HIVEP3: variants seen among roughly 807,000 people sequenced by gnomAD.
HIVEP3 encodes the protein HIVEP zinc finger 3, also known as transcription factor HIVEP3.
Under a neutral mutation model 152.8 loss-of-function variants are expected in HIVEP3, and 49 were observed. That is an observed-to-expected ratio of 0.32 (90% CI 0.26 to 0.41). HIVEP3 has a LOEUF of 0.41. HIVEP3 is among the 10% of genes least tolerant of loss of function. The pLI is 1.00. For missense variants in HIVEP3, 2,790 were observed against 3,103.3 expected, an observed-to-expected ratio of 0.90 and a Z score of 2.40; for synonymous variants, 1,269 against 1,289.0, an observed-to-expected ratio of 0.98 and a Z score of 0.33.
At chr1:41,769,725 AAAC>A (rs1258547631) in intron 1 of HIVEP3, among the ~76,000 whole-genome samples, 5 of 152,256 alleles carry the variant, frequency 3.3e-5, no homozygotes, top group Admixed American at 3.3e-4. Flanking sequence ...GTAACAAAAT[AAAC>A]AACAATAGCA....
rs574016079 is a variant in HIVEP3 at position 41,819,241 on chromosome 1, G to A, written c.-801+99172C>T. Among the ~76,000 whole-genome samples, 73 of 151,938 alleles carry A rather than the reference G, an allele frequency of 4.8e-4. 1 individual carries two copies. Among genetic ancestry groups the A allele is most frequent in the African/African-American group, 1.3e-3 (53 of 41,394 alleles). ...GAGACTAATAAAATGAATACACTTC[G>A]CCCATCACCCAGCACTCTCCAGTGC... On this transcript the variant is annotated intron_variant, in intron 1 of 8. Coordinates refer to ENST00000372583, the MANE Select transcript of HIVEP3 (RefSeq NM_024503.5).
chr1:41,993,853 A>G (rs1220235522), intron 1 of HIVEP3, among the ~76,000 whole-genome samples: 1 of 152,008 alleles, frequency 6.6e-6, no homozygotes, highest in East Asian at 1.9e-4. Context: ...CTTTGTAGGG[A>G]CATGGATGAA....
chr1:41,533,970 C>T lies in HIVEP3; in HGVS notation c.5208-9060G>A, dbSNP rs1264911825. The stretch of plus-strand genomic sequence containing the variant: ...TCTCTCAGCAAGCAGCACCTGCACT[C>T]GTGTGGCTGGCCAGCCCACAGGCTG... On this transcript the variant is annotated intron_variant, in intron 5 of 8. Transcript: ENST00000372583. The surrounding 1 kb of genome is among the most constrained non-coding windows in gnomAD (Gnocchi z 4.3). Among the ~76,000 whole-genome samples, 5 of 152,186 alleles carry T rather than the reference C, an allele frequency of 3.3e-5. No individual in the cohort carries two copies. In the South Asian group the frequency reaches 1.0e-3, roughly 32 times the overall value.
chr1:41,530,839 A>G (rs1643223078), intron 5 of HIVEP3, among the ~76,000 whole-genome samples: 1 of 152,146 alleles, frequency 6.6e-6, no homozygotes, highest in Non-Finnish European at 1.5e-5. Flanking sequence ...GTCTTTCCAA[A>G]TGGAGAGAGA....
chr1:41,616,438 C>T (rs761656292), intron 3 of HIVEP3, among the ~76,000 whole-genome samples: 4 of 152,252 alleles, frequency 2.6e-5, no homozygotes, highest in South Asian at 2.1e-4. Context: ...CTAAGAGGGA[C>T]GCACAGAGTC....
chr1:41,950,443 G>A (rs1645100279), intron 1 of HIVEP3, among the ~76,000 whole-genome samples: 1 of 152,166 alleles, frequency 6.6e-6, no homozygotes, highest in African/African-American at 2.4e-5. Context: ...GTATAACCAG[G>A]AGTAACACAT....
intron 1 of HIVEP3, among the ~76,000 whole-genome samples, chr1:41,987,461 G>T (rs1439957994): frequency 1.3e-5 from 2 of 152,096 alleles, no homozygotes; most frequent in African/African-American, 4.8e-5. Flanking sequence ...AATGGACAAA[G>T]GAATCTTGAG....
At chr1:41,589,593 A>T (rs1644557119) in intron 3 of HIVEP3, among the ~76,000 whole-genome samples, 1 of 152,246 alleles carries the variant, frequency 6.6e-6, no homozygotes, top group Non-Finnish European at 1.5e-5. Context: ...TCCAGAGGGC[A>T]GGTGGGAGAT....
chr1:41,510,167 C>T lies in HIVEP3; in HGVS notation c.*284G>A. On this transcript the variant is annotated 3_prime_UTR_variant, in exon 9 of 9. Transcript: ENST00000372583. ...AGGGTCAGGAGGCTTCACCATCAGC[C>T]TTTCCCCAAAACCATAAACTATTCA... 2 of 296,790 alleles carry T rather than the reference C, an allele frequency of 6.7e-6. No individual in the cohort carries two copies. The highest frequency in any genetic ancestry group is 6.2e-6 in the Non-Finnish European group (1 of 162,590). The allele number at this position is 296,790 out of a possible 1,614,324, so 18.4% of individuals were successfully genotyped here. A position where few individuals can be genotyped will look rare whatever the true frequency, so the allele number is the denominator to read the frequency against.
At chr1:41,658,345 G>A (rs1645659516) in intron 2 of HIVEP3, among the ~76,000 whole-genome samples, 1 of 152,156 alleles carries the variant, frequency 6.6e-6, no homozygotes, top group East Asian at 1.9e-4. Context: ...CTGGGTTTGA[G>A]TCCTAGCTCA....
At chr1:41,985,745 G>A (rs1185327520) in intron 1 of HIVEP3, among the ~76,000 whole-genome samples, 1 of 152,180 alleles carries the variant, frequency 6.6e-6, no homozygotes, top group Admixed American at 6.5e-5. Context: ...GCTAGAAGGA[G>A]GAAATGCCCA....
chr1:41,892,786 T>C (rs978552362), intron 1 of HIVEP3, among the ~76,000 whole-genome samples: 4 of 152,032 alleles, frequency 2.6e-5, no homozygotes, highest in Non-Finnish European at 4.4e-5. Flanking sequence ...CCTTATAGTC[T>C]GAACGTGCCC....
intron 1 of HIVEP3, among the ~76,000 whole-genome samples, chr1:41,874,394 A>AGCTGG (rs1644132239): frequency 1.3e-5 from 2 of 152,210 alleles, no homozygotes; most frequent in African/African-American, 4.8e-5. Context: ...GCTGGCTAGC[A>AGCTGG]CATAAACCTG....
intron 3 of HIVEP3, among the ~76,000 whole-genome samples, chr1:41,612,287 T>G (rs11210498): frequency 0.43 from 65,553 of 152,036 alleles, 14,739 homozygotes; most frequent in Non-Finnish European, 0.51. Context: ...CTGGCCGGTG[T>G]TTACACCCCT....
intron 2 of HIVEP3, among the ~76,000 whole-genome samples, chr1:41,683,290 A>G (rs933997397): frequency 6.6e-6 from 1 of 152,176 alleles, no homozygotes; most frequent in Non-Finnish European, 1.5e-5. Flanking sequence ...CCTCATGCAG[A>G]GCTCCCTTCC....
Position 41,764,272 on chromosome 1 carries a change from G to A in HIVEP3, c.-800-63277C>T, listed in dbSNP as rs911784900. On this transcript the variant is annotated intron_variant, in intron 1 of 8. Transcript: ENST00000372583. ...GAGACTTTTAATCTAGGAGGGGAGT[G>A]TAAGATTGGAAAATGGAAGGTGACC... Among the ~76,000 whole-genome samples, 10 of 152,292 alleles carry A rather than the reference G, an allele frequency of 6.6e-5. No individual in the cohort carries two copies. In the East Asian group the frequency reaches 1.5e-3, roughly 23 times the overall value.
At chr1:41,548,803 C>T (rs1643864612) in intron 5 of HIVEP3, among the ~76,000 whole-genome samples, 3 of 152,302 alleles carry the variant, frequency 2.0e-5, no homozygotes, top group African/African-American at 2.4e-5. Flanking sequence ...TCCCAAAGTG[C>T]TGGGATTACA....
chr1:41,863,054 G>A (rs780046134), intron 1 of HIVEP3, among the ~76,000 whole-genome samples: 3 of 152,222 alleles, frequency 2.0e-5, no homozygotes, highest in Non-Finnish European at 4.4e-5. Context: ...GTTCCTGGAA[G>A]GCAAGGATGA....
At chr1:41,707,536 C>T (rs1255470544) in intron 1 of HIVEP3, among the ~76,000 whole-genome samples, 15 of 152,094 alleles carry the variant, frequency 9.9e-5, no homozygotes, top group Admixed American at 8.5e-4. Context: ...GGGTCTCTGG[C>T]GGGTGGATAT....
Sources: gnomAD v4.1 joint callset for allele counts (sites outside exome capture counted in the v4.1 genomes callset) on GRCh38, gnomAD v4.1.1 for gene constraint, Gnocchi (gnomAD v3.1) non-coding constraint, MANE v1.5 for transcripts, NCBI Gene and HGNC (gene_info 2026-07-23, HGNC 2026-07-21) for gene names.